Variants in ZFHX3 observed in about 807,000 individuals in gnomAD.
The protein encoded by ZFHX3 is zinc finger homeobox 3, also known as zinc finger homeobox protein 3.
Under a neutral mutation model 279.1 loss-of-function variants are expected in ZFHX3, and 42 were observed. That is an observed-to-expected ratio of 0.15 (90% CI 0.12 to 0.19). The LOEUF is 0.19. ZFHX3 is among the 10% of genes least tolerant of loss of function. ZFHX3 has a pLI of 1.00. For missense variants in ZFHX3, 4,981 were observed against 4,754.0 expected (o/e 1.05, Z -1.40); for synonymous variants, 2,293 against 1,957.8 (o/e 1.17, Z -4.52).
At chr16:73,412,263 G>T (rs1222130311) in intron 3 of ZFHX3, among the ~76,000 whole-genome samples, 1 of 150,376 alleles carries the variant, frequency 6.6e-6, no homozygotes, top group East Asian at 2.0e-4. Flanking sequence ...GGAGGTCAAG[G>T]CTACAGTGAG....
chr16:73,454,795 C>T (rs1456144608), intron 3 of ZFHX3, among the ~76,000 whole-genome samples: 1 of 152,016 alleles, frequency 6.6e-6, no homozygotes, highest in African/African-American at 2.4e-5. Flanking sequence ...AAGTTACATC[C>T]TGTCCTTTCA....
At chr16:73,735,363 C>CAAGTTCCATGTG (rs1326309512) in intron 1 of ZFHX3, among the ~76,000 whole-genome samples, 6 of 143,846 alleles carry the variant, frequency 4.2e-5, no homozygotes, top group African/African-American at 1.5e-4. Flanking sequence ...TCCAATAAAG[C>CAAGTTCCATGTG]AAGTTCCATG....
chr16:73,109,354 C>A (rs1001646652), intron 7 of ZFHX3, among the ~76,000 whole-genome samples: 1 of 152,038 alleles, frequency 6.6e-6, no homozygotes, highest in Non-Finnish European at 1.5e-5. Context: ...TGAAGCGCTT[C>A]GTATTAATCC....
chr16:72,786,917 A>C lies in ZFHX3; in HGVS notation c.*247T>G, dbSNP rs888008597. The C allele has an allele frequency of 3.8e-6, 1 of 262,242 alleles. No individual in the cohort carries two copies. 16.2% of individuals were successfully genotyped at this position (262,242 alleles called of 1,614,324 possible). On this transcript the variant is annotated 3_prime_UTR_variant, in exon 10 of 10. Coordinates refer to ENST00000268489, the MANE Select transcript of ZFHX3 (RefSeq NM_006885.4). ...CCAATAGTACCTTCAAAAGGACACA[A>C]TGTAACAGGGTTAGGGCTTTTTTTT...
At chr16:73,357,935 G>A (rs1447926220) in intron 3 of ZFHX3, among the ~76,000 whole-genome samples, 1 of 152,086 alleles carries the variant, frequency 6.6e-6, no homozygotes, top group Non-Finnish European at 1.5e-5. Flanking sequence ...AGGTACCCTG[G>A]GCCCACCCAG....
chr16:72,882,157 A>AG (rs925889863), intron 4 of ZFHX3, among the ~76,000 whole-genome samples: 2 of 143,148 alleles, frequency 1.4e-5, no homozygotes, highest in Non-Finnish European at 3.0e-5. Flanking sequence ...AACCATCAGC[A>AG]GGTACCCCTT....
chr16:73,342,881 C>A (rs1011983846), intron 3 of ZFHX3, among the ~76,000 whole-genome samples: 1 of 152,162 alleles, frequency 6.6e-6, no homozygotes, highest in Non-Finnish European at 1.5e-5. Flanking sequence ...ATGAGCAACA[C>A]AGTGACACTG....
intron 1 of ZFHX3, among the ~76,000 whole-genome samples, chr16:73,832,349 A>T (rs566737437): frequency 6.6e-6 from 1 of 152,316 alleles, no homozygotes; most frequent in East Asian, 1.9e-4. Context: ...CTGCTTGGAC[A>T]TAAGCCCCTA....
chr16:73,053,791 G>A lies in ZFHX3; in HGVS notation c.-24+4739C>T, dbSNP rs371446235. On this transcript the variant is annotated intron_variant, in intron 1 of 8. Transcript: ENST00000397992. ...CAGGCTCTGAGCTGAAAGGCAAGGC[G>A]GGGGTAGGGATAAGAGGGCCCTGCA... is the stretch of plus-strand genomic sequence containing the variant. 5.9e-5 allele frequency among the ~76,000 whole-genome samples: 9 copies of A among 152,286 alleles called. No homozygotes were observed. In the East Asian group the frequency reaches 9.7e-4, roughly 16 times the overall value.
chr16:73,416,168 CAGAG>C (rs1276853527), intron 3 of ZFHX3, among the ~76,000 whole-genome samples: 3 of 144,374 alleles, frequency 2.1e-5, no homozygotes, highest in Non-Finnish European at 4.6e-5. Flanking sequence ...AAACAAAAAA[CAGAG>C]AGAAAACAGA....
chr16:72,882,095 C>A lies in ZFHX3; in HGVS notation c.3448+7636G>T, dbSNP rs373918332. 4.6e-5 allele frequency among the ~76,000 whole-genome samples: 7 copies of A among 151,978 alleles called. No homozygotes were observed. In the South Asian group the frequency reaches 1.5e-3, roughly 32 times the overall value. Reference sequence around the variant, plus strand: ...AAAAAGAGGACCCCCGCCCAATGCTCACCCCTCAACAAATGCAAACACACC... The same window carrying A: ...AAAAAGAGGACCCCCGCCCAATGCTAACCCCTCAACAAATGCAAACACACC... On this transcript the variant is annotated intron_variant, in intron 4 of 9. Transcript: ENST00000268489.
At chr16:73,451,323 G>A (rs547946384) in intron 3 of ZFHX3, among the ~76,000 whole-genome samples, 7 of 152,274 alleles carry the variant, frequency 4.6e-5, no homozygotes, top group African/African-American at 9.6e-5. Context: ...ACTAAGAATC[G>A]AGAGCCCCTA....
chr16:73,307,474 A>G (rs2015209287), intron 4 of ZFHX3, among the ~76,000 whole-genome samples: 1 of 152,206 alleles, frequency 6.6e-6, no homozygotes. Context: ...CTGAAACGGG[A>G]AAAACTGCTT....
chr16:73,642,492 C>T (rs1392018567), intron 2 of ZFHX3, among the ~76,000 whole-genome samples: 2 of 152,184 alleles, frequency 1.3e-5, no homozygotes, highest in Non-Finnish European at 2.9e-5. Flanking sequence ...TTCCTCAATA[C>T]ATAAAGCAAT....
At chr16:73,736,556 A>T (rs1216565869) in intron 1 of ZFHX3, among the ~76,000 whole-genome samples, 1 of 152,190 alleles carries the variant, frequency 6.6e-6, no homozygotes, top group Non-Finnish European at 1.5e-5. Context: ...ACAGAAATAA[A>T]AGGGACTGAA....
At chr16:72,968,500 G>A (rs975850796) in intron 1 of ZFHX3, among the ~76,000 whole-genome samples, 10 of 139,976 alleles carry the variant, frequency 7.1e-5, no homozygotes, top group Non-Finnish European at 1.2e-4. Context: ...TCGCTCTGTC[G>A]TCCAGGCTGG....
At chr16:73,747,440 A>G (rs1033969918) in intron 1 of ZFHX3, among the ~76,000 whole-genome samples, 1 of 152,180 alleles carries the variant, frequency 6.6e-6, no homozygotes, top group East Asian at 1.9e-4. Context: ...CTACCCAGAA[A>G]CATTTGCATC....
At chr16:73,577,978 G>C (rs930747559) in intron 2 of ZFHX3, among the ~76,000 whole-genome samples, 15 of 152,166 alleles carry the variant, frequency 9.9e-5, no homozygotes, top group African/African-American at 2.9e-4. Context: ...TTCTAATGTT[G>C]AGCTTGCTGA....
chr16:72,934,576 C>A (rs1960011493), intron 3 of ZFHX3, among the ~76,000 whole-genome samples: 1 of 152,176 alleles, frequency 6.6e-6, no homozygotes, highest in South Asian at 2.1e-4. Flanking sequence ...TGATTCTACC[C>A]TCTTTAAATC....
Sources: allele counts gnomAD v4.1 joint callset (sites outside exome capture counted in the v4.1 genomes callset), GRCh38; gene constraint gnomAD v4.1.1; transcripts MANE v1.5; gene names NCBI Gene and HGNC (gene_info 2026-07-23, HGNC 2026-07-21).